Variants in GPATCH2 observed in about 807,000 individuals in gnomAD.
The protein encoded by GPATCH2 is G patch domain-containing protein 2.
Under a neutral mutation model 58.0 loss-of-function variants are expected in GPATCH2, and 51 were observed. That is an observed-to-expected ratio of 0.88 (90% CI 0.70 to 1.11). The LOEUF (loss-of-function observed/expected upper bound fraction) is 1.11. GPATCH2 is among the 50% of genes most tolerant of loss of function. The pLI, the probability that GPATCH2 is intolerant of heterozygous loss-of-function variation, is 0.00. For synonymous variants in GPATCH2, 222 were observed against 218.5 expected (o/e 1.02, Z -0.14); for missense variants, 625 against 652.2 (o/e 0.96, Z 0.45).
At chr1:217,599,904 A>C (rs1668030123) in intron 5 of GPATCH2, among the ~76,000 whole-genome samples, 1 of 152,218 alleles carries the variant, frequency 6.6e-6, no homozygotes, top group African/African-American at 2.4e-5. Context: ...AATCTAAGTA[A>C]TAAACATTTA....
intron 1 of GPATCH2, among the ~76,000 whole-genome samples, chr1:217,627,241 C>G (rs1456661815): frequency 6.6e-6 from 1 of 151,978 alleles, no homozygotes; most frequent in East Asian, 1.9e-4. Context: ...ATAAGAGAAA[C>G]TGGTCACCAA....
chr1:217,608,815 A>G, intron 5 of GPATCH2: 1 of 984,962 alleles, frequency 1.0e-6, no homozygotes, highest in Non-Finnish European at 1.2e-6. Context: ...AATTACCAAC[A>G]CCACACTATT....
intron 2 of GPATCH2, among the ~76,000 whole-genome samples, chr1:217,614,734 G>A (rs1332907517): frequency 6.7e-6 from 1 of 150,208 alleles, no homozygotes; most frequent in Non-Finnish European, 1.5e-5. Flanking sequence ...AGTTTAAAAC[G>A]GTGATAATCC....
chr1:217,447,217 G>A (rs546629570), intron 9 of GPATCH2, among the ~76,000 whole-genome samples: 17 of 152,196 alleles, frequency 1.1e-4, no homozygotes, highest in Non-Finnish European at 1.5e-4. Context: ...ATGAATATTC[G>A]CATTTCTACA....
chr1:217,496,977 A>G (rs1662043404), intron 7 of GPATCH2, among the ~76,000 whole-genome samples: 1 of 152,176 alleles, frequency 6.6e-6, no homozygotes, highest in African/African-American at 2.4e-5. Context: ...AAGATAAAAA[A>G]AAATTGGTCA....
chr1:217,491,545 T>C (rs979021139), intron 8 of GPATCH2, 135 bp downstream of exon 8: 1 of 420,600 alleles, frequency 2.4e-6, no homozygotes, highest in Non-Finnish European at 4.3e-6. Context: ...CTAAAATAGA[T>C]TCCAATAAAC....
In GPATCH2 at chr1:217,620,105, C is replaced by T. The variant is rs1558532487; in HGVS notation, c.451G>A (p.Asp151Asn). The T allele has an allele frequency of 6.2e-7, 1 of 1,614,094 alleles. No individual in the cohort carries two copies. Among genetic ancestry groups the T allele is most frequent in the Non-Finnish European group, 8.5e-7 (1 of 1,180,014 alleles). ...PLWHESDFAV[D>N]NVGNRTLRRR... ...CGCAGAGTTCTATTCCCAACATTGT[C>T]CACAGCAAAATCAGACTCATGCCAT... is the stretch of plus-strand genomic sequence containing the variant. Residue 151 changes from aspartate (D) to asparagine (N), a missense_variant, in exon 2 of 10, where the codon GAC becomes AAC. Transcript: ENST00000366935.
intron 8 of GPATCH2, among the ~76,000 whole-genome samples, chr1:217,485,084 G>T (rs1031449112): frequency 1.3e-5 from 2 of 152,140 alleles, no homozygotes; most frequent in Non-Finnish European, 2.9e-5. Flanking sequence ...TAGGAAAGTT[G>T]GTGGAGTAAT....
At chr1:217,598,630 T>G (rs1174490707) in intron 5 of GPATCH2, among the ~76,000 whole-genome samples, 1 of 151,784 alleles carries the variant, frequency 6.6e-6, no homozygotes, top group Non-Finnish European at 1.5e-5. Context: ...CACACCCGGC[T>G]AATTTTTTGT....
chr1:217,514,381 A>T (rs1663017207), intron 6 of GPATCH2, among the ~76,000 whole-genome samples: 3 of 151,246 alleles, frequency 2.0e-5, no homozygotes, highest in South Asian at 4.2e-4. Flanking sequence ...CTGGTCTCAA[A>T]CTCCTGAACT....
At chr1:217,557,024 T>C (rs1665668797) in intron 5 of GPATCH2, among the ~76,000 whole-genome samples, 2 of 152,234 alleles carry the variant, frequency 1.3e-5, no homozygotes, top group Non-Finnish European at 2.9e-5. Flanking sequence ...CTCATCTTTC[T>C]GCTAAGTGTT....
chr1:217,539,108 A>C (rs1664609774), intron 5 of GPATCH2, among the ~76,000 whole-genome samples: 1 of 152,170 alleles, frequency 6.6e-6, no homozygotes, highest in Non-Finnish European at 1.5e-5. Flanking sequence ...TAAATCCATA[A>C]TTCCATATAG....
At chr1:217,593,469 T>C (rs1438841166) in intron 5 of GPATCH2, among the ~76,000 whole-genome samples, 2 of 152,010 alleles carry the variant, frequency 1.3e-5, no homozygotes, top group Non-Finnish European at 2.9e-5. Flanking sequence ...AATGTATTAA[T>C]CATAACCAAG....
At chr1:217,557,222 C>T (rs1378512914) in intron 5 of GPATCH2, among the ~76,000 whole-genome samples, 1 of 152,008 alleles carries the variant, frequency 6.6e-6, no homozygotes, top group Non-Finnish European at 1.5e-5. Context: ...GCCTGGCTAA[C>T]GTGGTGAAAC....
rs764517877 is a variant in GPATCH2, at chr1:217,620,199, G to A, written c.357C>T (p.Asp119=). The A allele has an allele frequency of 6.2e-7, 1 of 1,613,916 alleles. No individual in the cohort carries two copies. The highest frequency in any genetic ancestry group is 1.7e-5 in the Admixed American group (1 of 60,008). ...NNKKDHSDSD[D]QMLVAKRRPS... ...GCCTGCGCTTTGCTACTAACATTTG[G>A]TCATCAGAGTCACTGTGATCTTTTT... Residue 119 remains aspartate, a synonymous_variant, in exon 2 of 10, where the codon GAC becomes GAT. Transcript: ENST00000366935.
At chr1:217,448,731 T>TTCGCAATCTAGTACTA (rs1388076511) in intron 9 of GPATCH2, among the ~76,000 whole-genome samples, 1 of 152,144 alleles carries the variant, frequency 6.6e-6, no homozygotes, top group Non-Finnish European at 1.5e-5. Context: ...AATGAGAGCT[T>TTCGCAATCTAGTACTA]TCGCAATCTA....
chr1:217,433,640 C>T (rs1455608860), intron 9 of GPATCH2, among the ~76,000 whole-genome samples: 1 of 152,142 alleles, frequency 6.6e-6, no homozygotes, highest in Non-Finnish European at 1.5e-5. Flanking sequence ...AGGTGATCCA[C>T]CTGCCTTAGC....
In GPATCH2 at chr1:217,491,529, G is replaced by A. The variant is rs557805362; in HGVS notation, c.1277+151C>T. The A allele has an allele frequency of 8.4e-4, 324 of 387,576 alleles. 1 individual carries two copies. The highest frequency in any genetic ancestry group is 2.0e-3 in the South Asian group (18 of 8,964). 24.0% of individuals were successfully genotyped at this position (387,576 alleles called of 1,614,324 possible). A position where few individuals can be genotyped will look rare whatever the true frequency, so the allele number is the denominator to read the frequency against. On this transcript the variant is annotated intron_variant, in intron 8 of 9. Coordinates refer to ENST00000366935, the MANE Select transcript of GPATCH2 (RefSeq NM_018040.5). ...TAAAATATCTTTTTATTCATTGCTC[G>A]TAATCCTAAAATAGATTCCAATAAA...
intron 5 of GPATCH2, among the ~76,000 whole-genome samples, chr1:217,597,424 C>T (rs1667891475): frequency 6.6e-6 from 1 of 151,524 alleles, no homozygotes; most frequent in Admixed American, 6.6e-5. Context: ...CTTCTATATG[C>T]AACAGGGTGG....
Sources: gnomAD v4.1 joint callset for allele counts (sites outside exome capture counted in the v4.1 genomes callset) on GRCh38, gnomAD v4.1.1 for gene constraint, MANE v1.5 for transcripts, NCBI Gene and HGNC (gene_info 2026-07-23, HGNC 2026-07-21) for gene names.